Variants in DNAH1 observed in about 807,000 individuals in gnomAD.
The protein encoded by DNAH1 is dynein axonemal heavy chain 1, also known as axonemal beta dynein heavy chain 1.
Under a neutral mutation model 484.3 loss-of-function variants are expected in DNAH1, and 327 were observed. That is an observed-to-expected ratio of 0.68 (90% CI 0.62 to 0.74). DNAH1 has a LOEUF of 0.74. Ranked by LOEUF, DNAH1 falls within the 30% of genes least tolerant of loss-of-function variation. DNAH1 has a pLI of 0.00. For missense variants in DNAH1, 5,052 were observed against 5,546.8 expected, an observed-to-expected ratio of 0.91 and a Z score of 2.83; for synonymous variants, 2,192 against 2,191.9, an observed-to-expected ratio of 1.00 and a Z score of 0.00.
chr3:52,360,390 A>G lies in DNAH1; in HGVS notation c.4651A>G (p.Ser1551Gly). ...CTATGGCTATGAGTACCTGGGCAAC[A>G]GTGGGAGGCTGGTGATCACGCCCCT... is the stretch of plus-strand genomic sequence containing the variant. Reference protein sequence around the residue: ...FIYGYEYLGNSGRLVITPLTD... With the variant: ...FIYGYEYLGNGGRLVITPLTD... The change falls in exon 28 of 78, where the codon AGT (serine) becomes GGT (glycine). Residue 1551 changes from serine (S) to glycine (G), a missense_variant. Ser to Gly is a moderately conservative substitution (Grantham distance 56). Coordinates refer to ENST00000420323, the MANE Select transcript of DNAH1 (RefSeq NM_015512.5). The G allele has an allele frequency of 1.9e-6, 3 of 1,613,954 alleles. No individual in the cohort carries two copies. The highest frequency in any genetic ancestry group is 2.5e-6 in the Non-Finnish European group (3 of 1,179,864).
At position 52,381,728 on chromosome 3, in the gene DNAH1, G is replaced by A. The variant is rs1308553877; in HGVS notation, c.7697G>A (p.Ser2566Asn). The change falls in exon 49 of 78, where the codon AGC becomes AAC. Residue 2566 changes from serine to asparagine, a missense_variant. By Grantham distance (46) the Ser-to-Asn change is conservative (BLOSUM62 1). Coordinates refer to ENST00000420323, the MANE Select transcript of DNAH1 (RefSeq NM_015512.5). The surrounding 1 kb of genome is among the most constrained non-coding windows in gnomAD (Gnocchi z 4.1). ...CTGGTCCTCTTCATGGACGCCATGA[G>A]CCACATCTGTCGCATCAGCCGCACC... is the stretch of plus-strand genomic sequence containing the variant. Reference protein sequence around the residue: ...LKLVLFMDAMSHICRISRTLR... With the variant: ...LKLVLFMDAMNHICRISRTLR... The A allele has an allele frequency of 6.2e-7, 1 of 1,606,542 alleles. No individual in the cohort carries two copies. The highest frequency in any genetic ancestry group is 1.7e-5 in the Admixed American group (1 of 59,254).
At chr3:52,371,827 C>T (rs1195714473) in intron 41 of DNAH1, 119 bp from the exon 42 acceptor site, 1 of 1,449,266 alleles carries the variant, frequency 6.9e-7, no homozygotes, top group Non-Finnish European at 9.3e-7. Context: ...GCACCTGGAC[C>T]CGCTTGCCAA....
In DNAH1 at chr3:52,356,593, C is replaced by T. The variant is rs372919886; in HGVS notation, c.3694-21C>T. The T allele has an allele frequency of 9.9e-6, 16 of 1,611,958 alleles. No homozygotes were observed. The African/African-American group carries it at 1.5e-4, about 15-fold the overall frequency. ...CCCTGACAGTCCATATCACACCCCTCCCTGCCCCTCCCCTCCCCAGGAGGT... is the reference window on the plus strand; with the variant it reads ...CCCTGACAGTCCATATCACACCCCTTCCTGCCCCTCCCCTCCCCAGGAGGT... On this transcript the variant is annotated intron_variant, in intron 21 of 77. Transcript: ENST00000420323.
chr3:52,360,477 C>G (rs1278963280), intron 28 of DNAH1, 53 bp downstream of exon 28: 2 of 1,496,730 alleles, frequency 1.3e-6, no homozygotes, highest in Admixed American at 3.5e-5. Flanking sequence ...CTCTAGTTCT[C>G]TCTGGCCCAG....
chr3:52,324,280 A>G (rs538199840), intron 3 of DNAH1, among the ~76,000 whole-genome samples: 1 of 152,284 alleles, frequency 6.6e-6, no homozygotes, highest in Non-Finnish European at 1.5e-5. Flanking sequence ...TGGCTCAGAT[A>G]GATGCCTGGG....
chr3:52,392,761 C>A, intron 64 of DNAH1, 69 bp from the exon 65 acceptor site: 1 of 1,551,170 alleles, frequency 6.4e-7, no homozygotes, highest in East Asian at 2.3e-5. Context: ...CCCTGCCTGC[C>A]CTAGGCCTGC....
intron 34 of DNAH1, 123 bp from the exon 35 acceptor site, chr3:52,366,334 T>G: frequency 1.3e-6 from 1 of 743,434 alleles, no homozygotes; most frequent in Non-Finnish European, 2.2e-6. Context: ...CCATCCTCAT[T>G]TTATAGATGA....
Position 52,399,538 on chromosome 3 carries a change from C to T in DNAH1, c.12442-7C>T, listed in dbSNP as rs775883481. On this transcript the variant is annotated splice_polypyrimidine_tract_variant and splice_region_variant and intron_variant, in intron 76 of 77. Coordinates refer to ENST00000420323, the MANE Select transcript of DNAH1 (RefSeq NM_015512.5). ...TGTGTGTGGGGTGTGTCTGTGTCTA[C>T]CCACAGGTGATGTTTGAGGCACCAT... The T allele has an allele frequency of 3.1e-5, 50 of 1,602,028 alleles. No individual in the cohort carries two copies. In the South Asian group the frequency reaches 5.4e-4, roughly 17 times the overall value.
chr3:52,341,332 T>C (rs931232754), intron 8 of DNAH1, among the ~76,000 whole-genome samples: 2 of 152,132 alleles, frequency 1.3e-5, no homozygotes, highest in African/African-American at 4.8e-5. Flanking sequence ...GTGGGGACTC[T>C]TGTGCAAGCG....
rs745528574 is a variant in DNAH1 at position 52,362,689 on chromosome 3, G to GCTGC, written c.5094+191_5094+194dup. 6.6e-6 allele frequency among the ~76,000 whole-genome samples: 1 copy of GCTGC among 152,224 alleles called. No individual in the cohort carries two copies. Among genetic ancestry groups the GCTGC allele is most frequent in the Admixed American group, 6.5e-5 (1 of 15,290 alleles). On this transcript the variant is annotated intron_variant, in intron 31 of 77. Transcript: ENST00000420323. The surrounding 1 kb of genome is among the most constrained non-coding windows in gnomAD (Gnocchi z 5.1). The stretch of plus-strand genomic sequence containing the variant: ...GTCCTCAGGGCATGGGAGAAGTCAG[G>GCTGC]CTGCCTATGGATGTGGTGTGGAGGG...
rs1490441112 is a variant in DNAH1 at position 52,395,667 on chromosome 3, A to C, written c.11248A>C (p.Asn3750His). The change falls in exon 70 of 78, where the codon AAC (asparagine) becomes CAC (histidine). Residue 3750 changes from asparagine (N) to histidine (H), a missense_variant. Coordinates refer to ENST00000420323, the MANE Select transcript of DNAH1 (RefSeq NM_015512.5). The surrounding 1 kb of genome is among the most constrained non-coding windows in gnomAD (Gnocchi z 4.4). ...PALERLIEHI[N>H]PDKVHRDFRL... is the part of the protein sequence containing the mutation. ...CCTAGAACGCCTCATCGAGCACATC[A>C]ACCCCGACAAGGTGTGTTGCCCTGC... 1 of 1,613,414 alleles carries C rather than the reference A, an allele frequency of 6.2e-7. No individual in the cohort carries two copies. The highest frequency in any genetic ancestry group is 8.5e-7 in the Non-Finnish European group (1 of 1,179,778).
Position 52,395,555 on chromosome 3 carries a change from G to A in DNAH1, c.11136G>A (p.Arg3712=), listed in dbSNP as rs147264705. 5.2e-4 allele frequency: 842 copies of A among 1,613,632 alleles called. 3 individuals are homozygous for A. In the African/African-American group the frequency reaches 0.01, roughly 20 times the overall value. Residue 3712 remains arginine (R), a synonymous_variant, in exon 70 of 78, where the codon CGG becomes CGA. Coordinates refer to ENST00000420323, the MANE Select transcript of DNAH1 (RefSeq NM_015512.5). This position sits in a 1 kb window ranked among gnomAD's most constrained non-coding sequence, Gnocchi z 4.4. ...TGCTCTTGCCCCTGCAGGGCCCTCG[G>A]GCAGAAGCCATGATGCGCAGCTCCA... ...AISLGQGQGP[R]AEAMMRSSIE...
At chr3:52,314,358 G>A (rs977725161), upstream of DNAH1, among the ~76,000 whole-genome samples, 2 of 152,220 alleles carry the variant, frequency 1.3e-5, no homozygotes, top group South Asian at 2.1e-4. Flanking sequence ...CCCTTGGGCC[G>A]CTGCTCCTGG....
intron 67 of DNAH1, 79 bp from the exon 68 acceptor site, chr3:52,394,836 T>A (rs1385474942): frequency 1.3e-6 from 2 of 1,558,122 alleles, no homozygotes; most frequent in Non-Finnish European, 8.7e-7. Flanking sequence ...TCCCCAGCTG[T>A]CCGGCTGGCC....
chr3:52,387,201 C>G (rs1704148364), intron 56 of DNAH1, among the ~76,000 whole-genome samples: 1 of 152,196 alleles, frequency 6.6e-6, no homozygotes, highest in Admixed American at 6.5e-5. Flanking sequence ...CTCTTTCATG[C>G]CCTTTCATCC....
intron 60 of DNAH1, among the ~76,000 whole-genome samples, chr3:52,390,542 C>T (rs543445478): frequency 5.3e-5 from 8 of 152,282 alleles, no homozygotes; most frequent in Non-Finnish European, 1.0e-4. Flanking sequence ...AGAGGCCAGG[C>T]GTGGGCAGAG....
In DNAH1 at chr3:52,397,678, G is replaced by C. The variant is rs200110248; in HGVS notation, c.11788-29G>C. 10 of 1,565,474 alleles carry C rather than the reference G, an allele frequency of 6.4e-6. No individual in the cohort carries two copies. The African/African-American group carries it at 9.6e-5, about 15-fold the overall frequency. On this transcript the variant is annotated intron_variant, in intron 73 of 77. Transcript: ENST00000420323. ...GAGGGCTGGGGCAGAGCAAGCCAGG[G>C]GCTTCCATGTTGGCCTCCTCTCTCC...
intron 44 of DNAH1, among the ~76,000 whole-genome samples, chr3:52,373,332 G>A (rs529156045): frequency 3.7e-4 from 57 of 152,196 alleles, no homozygotes; most frequent in African/African-American, 1.2e-3. Context: ...GCGCGACGGC[G>A]GGGCGGGGGC....
intron 66 of DNAH1, among the ~76,000 whole-genome samples, chr3:52,393,759 T>G (rs1356957599): frequency 6.6e-6 from 1 of 152,086 alleles, no homozygotes; most frequent in East Asian, 1.9e-4. Flanking sequence ...ATTAGCTGGG[T>G]GTGGTGGTGC....
Sources: allele counts gnomAD v4.1 joint callset (sites outside exome capture counted in the v4.1 genomes callset), GRCh38; gene constraint gnomAD v4.1.1; non-coding constraint Gnocchi (gnomAD v3.1); transcripts MANE v1.5; gene names NCBI Gene and HGNC (gene_info 2026-07-23, HGNC 2026-07-21).